Variants in PSMA7 observed in about 807,000 individuals in gnomAD.
PSMA7 encodes proteasome 20S subunit alpha 7.
Under a neutral mutation model 31.3 loss-of-function variants are expected in PSMA7, and 5 were observed. The ratio of observed to expected loss-of-function variants is 0.16; its 90% CI spans 0.08 to 0.34. The LOEUF (loss-of-function observed/expected upper bound fraction) is 0.34. Among genes scored for constraint, PSMA7 ranks in the 10% least tolerant of loss-of-function variants. PSMA7 has a pLI of 1.00. For synonymous variants in PSMA7, 155 were observed against 121.9 expected (o/e 1.27, Z -1.79); for missense variants, 217 against 327.5 (o/e 0.66, Z 2.60).
At chr20:62,140,320 A>G (rs2056919854) in intron 2 of PSMA7, among the ~76,000 whole-genome samples, 1 of 152,210 alleles carries the variant, frequency 6.6e-6, no homozygotes, top group Non-Finnish European at 1.5e-5. Flanking sequence ...AATCTTAGAA[A>G]TTGAGTTAAT....
intron 1 of PSMA7, 65 bp from the exon 2 acceptor site, chr20:62,141,009 C>T (rs1396871638): frequency 6.3e-7 from 1 of 1,589,404 alleles, no homozygotes; most frequent in African/African-American, 1.3e-5. Context: ...TGGCTCATGC[C>T]TGTTAATTCC....
chr20:62,141,053 TAAATTC>T (rs2056924686), intron 1 of PSMA7, 109 bp from the exon 2 acceptor site: 1 of 1,373,582 alleles, frequency 7.3e-7, no homozygotes, highest in South Asian at 1.3e-5. Flanking sequence ...GTGGATGACT[TAAATTC>T]AAGAGTTCAA....
At chr20:62,139,529 G>A in intron 3 of PSMA7, 2 of 728,952 alleles carry the variant, frequency 2.7e-6, no homozygotes. Context: ...CACTCAGGAT[G>A]GCAAGACAAA....
chr20:62,138,527 G>A (rs907530245), intron 4 of PSMA7, among the ~76,000 whole-genome samples: 3 of 151,214 alleles, frequency 2.0e-5, no homozygotes, highest in African/African-American at 7.3e-5. Context: ...ATGTTTTACT[G>A]CGCTATCAAG....
intron 4 of PSMA7, among the ~76,000 whole-genome samples, 171 bp from the exon 5 acceptor site, chr20:62,138,461 A>G (rs1343802142): frequency 6.6e-6 from 1 of 152,136 alleles, no homozygotes; most frequent in Non-Finnish European, 1.5e-5. Context: ...TTCCTTTTGC[A>G]AAGAGCTCTT....
chr20:62,139,694 A>G (rs2145664660), intron 3 of PSMA7, 87 bp downstream of exon 3: 1 of 1,599,708 alleles, frequency 6.3e-7, no homozygotes, highest in South Asian at 1.1e-5. Flanking sequence ...TTTCTGATTC[A>G]CCTGAAGTGA....
chr20:62,137,301 TGCTCA>T, intron 6 of PSMA7, 58 bp downstream of exon 6: 1 of 1,525,264 alleles, frequency 6.6e-7, no homozygotes, highest in Non-Finnish European at 9.1e-7. Context: ...GAACTGGTAC[TGCTCA>T]GCCCTGATCA....
chr20:62,138,722 T>C (rs997970942), intron 4 of PSMA7, among the ~76,000 whole-genome samples: 1 of 151,714 alleles, frequency 6.6e-6, no homozygotes, highest in Non-Finnish European at 1.5e-5. Flanking sequence ...GCCCAGCAAA[T>C]TTTTTTTGTA....
intron 4 of PSMA7, among the ~76,000 whole-genome samples, chr20:62,138,632 G>A (rs58126048): frequency 0.013 from 1,877 of 147,094 alleles, 48 homozygotes; most frequent in African/African-American, 0.045. Flanking sequence ...TCGGCTCACT[G>A]CAACCTATGC....
Position 62,138,239 on chromosome 20 carries a change from T to A in PSMA7, c.523A>T (p.Asn175Tyr). ...GTTTCAATGGCTTCGTCAGTATAGT[T>A]CTTCTCCAGGAACTCGCGCACTGAC... is the stretch of plus-strand genomic sequence containing the variant. ...AKSVREFLEK[N>Y]YTDEAIETDD... Residue 175 changes from asparagine (N) to tyrosine (Y), a missense_variant, in exon 5 of 7, where the codon AAC becomes TAC. Coordinates refer to ENST00000370873, the MANE Select transcript of PSMA7 (RefSeq NM_002792.4). The A allele has an allele frequency of 6.2e-7, 1 of 1,614,114 alleles. No individual in the cohort carries two copies. Among genetic ancestry groups the A allele is most frequent in the Non-Finnish European group, 8.5e-7 (1 of 1,179,950 alleles).
intron 4 of PSMA7, among the ~76,000 whole-genome samples, chr20:62,138,596 C>A (rs1206847941): frequency 6.7e-6 from 1 of 149,806 alleles, no homozygotes; most frequent in Non-Finnish European, 1.5e-5. Flanking sequence ...CTCTTGTTGC[C>A]CAGCCTGGAG....
At chr20:62,140,142 C>G (rs2056918844) in intron 2 of PSMA7, among the ~76,000 whole-genome samples, 1 of 152,130 alleles carries the variant, frequency 6.6e-6, no homozygotes, top group Admixed American at 6.5e-5. Context: ...GTCAAAAATA[C>G]CTGGCTGAAA....
rs1568726793 is a variant in PSMA7 at position 62,140,872 on chromosome 20, T to C, written c.169A>G (p.Arg57Gly). ...AAAGCACAGATCTTCCGCACTGTTC[T>C]TTCATCCTGCAGTTTGGCCACTGAC... ...KKSVAKLQDE[R>G]TVRKICALDD... Residue 57 changes from arginine to glycine, a missense_variant, in exon 2 of 7, where the codon AGA becomes GGA. Arg to Gly is a moderately radical substitution (Grantham distance 125). Transcript: ENST00000370873. The C allele has an allele frequency of 1.9e-6, 3 of 1,614,116 alleles. No individual in the cohort carries two copies. The highest frequency in any genetic ancestry group is 2.2e-5 in the East Asian group (1 of 44,900).
rs748520521 is a variant in PSMA7 at position 62,137,380 on chromosome 20, C to T, written c.638G>A (p.Arg213Gln). ...GGTGATTACCTTGAGGGATTGATCTCGCCTCATGACAGCAAGTTCAATGTT... is the reference window on the plus strand; with the variant it reads ...GGTGATTACCTTGAGGGATTGATCTTGCCTCATGACAGCAAGTTCAATGTT... The part of the protein sequence containing the change: ...GKNIELAVMR[R>Q]DQSLKILNPE... Residue 213 changes from arginine (R) to glutamine (Q), a missense_variant, in exon 6 of 7, where the codon CGA becomes CAA. Around this residue, in one of 3 missense-constraint regions of PSMA7, gnomAD observed 88 missense variants for 111.6 expected, o/e 0.79. Coordinates refer to ENST00000370873, the MANE Select transcript of PSMA7 (RefSeq NM_002792.4). The T allele has an allele frequency of 1.3e-5, 21 of 1,613,940 alleles. No individual in the cohort carries two copies. Among genetic ancestry groups the T allele is most frequent in the Admixed American group, 3.3e-5 (2 of 59,992 alleles).
intron 3 of PSMA7, 136 bp from the exon 4 acceptor site, chr20:62,139,333 C>A (rs1354193852): frequency 2.7e-6 from 3 of 1,106,140 alleles, no homozygotes. Context: ...TCAAATGATA[C>A]ATTAGCCAAT....
intron 5 of PSMA7, 126 bp from the exon 6 acceptor site, chr20:62,137,552 C>T: frequency 4.6e-6 from 4 of 877,978 alleles, no homozygotes; most frequent in Non-Finnish European, 7.5e-6. Context: ...AGGTCCCAGC[C>T]CCCAAAACCT....
intron 1 of PSMA7, among the ~76,000 whole-genome samples, chr20:62,142,234 T>C (rs2056934670): frequency 6.6e-6 from 1 of 152,144 alleles, no homozygotes; most frequent in South Asian, 2.1e-4. Flanking sequence ...ATGGGTTCGT[T>C]AAAGCCAGCG....
intron 1 of PSMA7, chr20:62,142,537 T>C (rs1445144922): frequency 2.0e-5 from 3 of 152,352 alleles, no homozygotes; most frequent in South Asian, 2.1e-4. Flanking sequence ...CTAAGGTCAA[T>C]GTACACGAGC....
chr20:62,136,827 T>A lies in PSMA7; in HGVS notation c.*30A>T, dbSNP rs999788413. The A allele has an allele frequency of 3.8e-6, 6 of 1,582,612 alleles. No individual in the cohort carries two copies. Among genetic ancestry groups the A allele is most frequent in the Non-Finnish European group, 5.1e-6 (6 of 1,169,674 alleles). ...GACTCATCCATGATTGATATGAATTTAAAAATTACAAGCAAAGACATTTTA... is the reference window on the plus strand; with the variant it reads ...GACTCATCCATGATTGATATGAATTAAAAAATTACAAGCAAAGACATTTTA... On this transcript the variant is annotated 3_prime_UTR_variant, in exon 7 of 7. Coordinates refer to ENST00000370873, the MANE Select transcript of PSMA7 (RefSeq NM_002792.4).
Sources: gnomAD v4.1 joint callset for allele counts (sites outside exome capture counted in the v4.1 genomes callset) on GRCh38, gnomAD v4.1.1 for gene constraint, gnomAD v4.1.1 regional missense constraint, MANE v1.5 for transcripts, NCBI Gene and HGNC (gene_info 2026-07-23, HGNC 2026-07-21) for gene names.